The following KIRREL3 variants were observed in gnomAD, a reference collection of about 807,000 sequenced individuals.
KIRREL3 encodes the protein kin of IRRE-like protein 3.
KIRREL3 carries 36 observed loss-of-function variants against 89.7 expected under a neutral mutation model. The observed-to-expected ratio is 0.40, with a 90% confidence interval of 0.31 to 0.53. The LOEUF (loss-of-function observed/expected upper bound fraction) is 0.53. Among genes scored for constraint, KIRREL3 ranks in the 20% least tolerant of loss-of-function variants. KIRREL3 has a pLI of 0.49. For synonymous variants in KIRREL3, 445 were observed against 441.4 expected (o/e 1.01, Z -0.10); for missense variants, 864 against 1,056.6 (o/e 0.82, Z 2.53).
Position 126,609,920 on chromosome 11 carries a change from GGATGACTTCAAC to G in KIRREL3, c.56-47020_56-47009del, listed in dbSNP as rs1432869385. On this transcript the variant is annotated intron_variant, in intron 1 of 16. Transcript: ENST00000525144. This position sits in a 1 kb window ranked among gnomAD's most constrained non-coding sequence, Gnocchi z 5.0. ...AGGCACCGAGATAAGAATTTTATGT[GGATGACTTCAAC>G]GAATCCTCAGAACAACCCAATGTTG... Among the ~76,000 whole-genome samples the G allele has an allele frequency of 6.6e-6, 1 of 152,180 alleles. No individual in the cohort carries two copies. The highest frequency in any genetic ancestry group is 1.5e-5 in the Non-Finnish European group (1 of 68,038).
At chr11:126,433,707 A>G (rs1955217848) in intron 13 of KIRREL3, among the ~76,000 whole-genome samples, 1 of 152,230 alleles carries the variant, frequency 6.6e-6, no homozygotes. Context: ...AGTTCCATGA[A>G]GAAAGGGAAA....
At chr11:126,866,384 C>T (rs926118422) in intron 1 of KIRREL3, among the ~76,000 whole-genome samples, 1 of 152,170 alleles carries the variant, frequency 6.6e-6, no homozygotes, top group Admixed American at 6.5e-5. Context: ...ATCCTGCACC[C>T]CTGTAAGAAT....
chr11:126,643,456 A>C lies in KIRREL3; in HGVS notation c.56-80544T>G, dbSNP rs977982868. Among the ~76,000 whole-genome samples, 1 of 152,202 alleles carries C rather than the reference A, an allele frequency of 6.6e-6. No homozygotes were observed. Among genetic ancestry groups the C allele is most frequent in the Admixed American group, 6.5e-5 (1 of 15,282 alleles). ...ATGGAAGCTATTTCAGACAGAGGGA[A>C]AAAACATGAGTATTGAAGTGGAAAA... On this transcript the variant is annotated intron_variant, in intron 1 of 16. Transcript: ENST00000525144. The surrounding 1 kb of genome is among the most constrained non-coding windows in gnomAD (Gnocchi z 4.5).
Position 126,569,148 on chromosome 11 carries a change from A to G in KIRREL3, c.56-6236T>C, listed in dbSNP as rs962297342. 1.3e-5 allele frequency among the ~76,000 whole-genome samples: 2 copies of G among 152,122 alleles called. No individual in the cohort carries two copies. The highest frequency in any genetic ancestry group is 4.2e-4 in the South Asian group (2 of 4,816). ...ATGACCCCAGTGTCTTTTGTGGGAT[A>G]TAATGGACAAAGAGACATGTCTGTA... On this transcript the variant is annotated intron_variant, in intron 1 of 16. Coordinates refer to ENST00000525144, the MANE Select transcript of KIRREL3 (RefSeq NM_032531.4). This position sits in a 1 kb window ranked among gnomAD's most constrained non-coding sequence, Gnocchi z 6.5.
Position 126,943,870 on chromosome 11 carries a change from C to T in KIRREL3, c.55+56585G>A, listed in dbSNP as rs770826932. On this transcript the variant is annotated intron_variant, in intron 1 of 16. Coordinates refer to ENST00000525144, the MANE Select transcript of KIRREL3 (RefSeq NM_032531.4). This position sits in a 1 kb window ranked among gnomAD's most constrained non-coding sequence, Gnocchi z 4.2. ...GAGGTGAGGGGGACATAGTATCATT[C>T]GGTTTGGTCTAGGTGGAGACTTCTT... Among the ~76,000 whole-genome samples the T allele has an allele frequency of 1.1e-4, 16 of 152,308 alleles. No individual in the cohort carries two copies. The East Asian group carries it at 2.5e-3, about 24-fold the overall frequency.
At position 126,537,785 on chromosome 11, in the gene KIRREL3, T is replaced by C. The variant is rs987851353; in HGVS notation, c.134-11098A>G. Among the ~76,000 whole-genome samples, 1 of 152,234 alleles carries C rather than the reference T, an allele frequency of 6.6e-6. No individual in the cohort carries two copies. Among genetic ancestry groups the C allele is most frequent in the Non-Finnish European group, 1.5e-5 (1 of 68,052 alleles). ...GAGAGGTTTTATATGTAAATGATCT[T>C]GGTAGACAGGTGTTTCACAAAGGGT... On this transcript the variant is annotated intron_variant, in intron 2 of 16. Coordinates refer to ENST00000525144, the MANE Select transcript of KIRREL3 (RefSeq NM_032531.4). This position sits in a 1 kb window ranked among gnomAD's most constrained non-coding sequence, Gnocchi z 4.3.
chr11:126,850,693 T>C (rs1478565536), intron 1 of KIRREL3, among the ~76,000 whole-genome samples: 1 of 152,182 alleles, frequency 6.6e-6, no homozygotes, highest in African/African-American at 2.4e-5. Flanking sequence ...AAAGGCAGCG[T>C]TCCAGCCACT....
At chr11:126,730,746 T>C (rs1234021126) in intron 1 of KIRREL3, among the ~76,000 whole-genome samples, 1 of 152,054 alleles carries the variant, frequency 6.6e-6, no homozygotes, top group East Asian at 1.9e-4. Context: ...TTTTTCTTTT[T>C]TTTTGTTTTT....
chr11:126,676,561 C>T lies in KIRREL3; in HGVS notation c.56-113649G>A, dbSNP rs536992294. ...GAGATGCTGCGAGTCCTTTAAAGAA[C>T]CTCCCATAGCAGTCTGTGAATACGT... On this transcript the variant is annotated intron_variant, in intron 1 of 16. Coordinates refer to ENST00000525144, the MANE Select transcript of KIRREL3 (RefSeq NM_032531.4). This position sits in a 1 kb window ranked among gnomAD's most constrained non-coding sequence, Gnocchi z 4.5. Among the ~76,000 whole-genome samples the T allele has an allele frequency of 2.6e-5, 4 of 152,152 alleles. No homozygotes were observed. In the South Asian group the frequency reaches 8.3e-4, roughly 32 times the overall value.
chr11:126,781,045 T>A (rs968431743), intron 1 of KIRREL3, among the ~76,000 whole-genome samples: 64 of 152,238 alleles, frequency 4.2e-4, no homozygotes, highest in African/African-American at 1.5e-3. Flanking sequence ...CAGGAAGCAA[T>A]TTTAACTCTG....
At position 126,627,634 on chromosome 11, in the gene KIRREL3, T is replaced by C. The variant is rs681570; in HGVS notation, c.56-64722A>G. ...TCTTGTCAGGTCCAGCGGTTGGCTT[T>C]AGTAAATATGCCTCAAGCAGCTGTC... On this transcript the variant is annotated intron_variant, in intron 1 of 16. Coordinates refer to ENST00000525144, the MANE Select transcript of KIRREL3 (RefSeq NM_032531.4). The surrounding 1 kb of genome is among the most constrained non-coding windows in gnomAD (Gnocchi z 5.0). 0.92 allele frequency among the ~76,000 whole-genome samples: 140,538 copies of C among 152,292 alleles called. 65,039 individuals are homozygous for C. The highest frequency in any genetic ancestry group is 1 in the East Asian group (5,164 of 5,176).
chr11:126,580,274 A>G (rs1444515950), intron 1 of KIRREL3, among the ~76,000 whole-genome samples: 1 of 152,188 alleles, frequency 6.6e-6, no homozygotes, highest in African/African-American at 2.4e-5. Flanking sequence ...ATAACATTTC[A>G]GCCCCCAGAG....
Position 126,772,415 on chromosome 11 carries a change from T to C in KIRREL3, c.56-209503A>G, listed in dbSNP as rs536426481. Among the ~76,000 whole-genome samples, 1 of 152,124 alleles carries C rather than the reference T, an allele frequency of 6.6e-6. No homozygotes were observed. On this transcript the variant is annotated intron_variant, in intron 1 of 16. Transcript: ENST00000525144. The surrounding 1 kb of genome is among the most constrained non-coding windows in gnomAD (Gnocchi z 4.6). ...GGCACCACGTGGTGCGGGGATGGCT[T>C]ATAATTTGAGGGAGACGTTTGGGAG...
In KIRREL3 at chr11:126,485,302, T is replaced by A. The variant is rs1957330089; in HGVS notation, c.434-11836A>T. 6.6e-6 allele frequency among the ~76,000 whole-genome samples: 1 copy of A among 152,038 alleles called. No individual in the cohort carries two copies. The highest frequency in any genetic ancestry group is 2.1e-4 in the South Asian group (1 of 4,822). The stretch of plus-strand genomic sequence containing the variant: ...GGCTGTTTCAGTTCTGCTCCTAACC[T>A]GGGGGTGGGGGGAACCCTGAACTAG... On this transcript the variant is annotated intron_variant, in intron 4 of 16. Coordinates refer to ENST00000525144, the MANE Select transcript of KIRREL3 (RefSeq NM_032531.4). The surrounding 1 kb of genome is among the most constrained non-coding windows in gnomAD (Gnocchi z 5.8).
chr11:126,713,855 A>G (rs180778477), intron 1 of KIRREL3, among the ~76,000 whole-genome samples: 355 of 152,242 alleles, frequency 2.3e-3, no homozygotes, highest in African/African-American at 8.3e-3. Context: ...GGAGCACGGA[A>G]CAGCATCTGA....
chr11:126,709,363 A>AC lies in KIRREL3; in HGVS notation c.56-146452dup, dbSNP rs1458581490. ...CCGGGAGTAGGGGTGGAGGGGCAGC[A>AC]CCCCCGGGCAGAAGATGCAGCCAAA... On this transcript the variant is annotated intron_variant, in intron 1 of 16. Coordinates refer to ENST00000525144, the MANE Select transcript of KIRREL3 (RefSeq NM_032531.4). This position sits in a 1 kb window ranked among gnomAD's most constrained non-coding sequence, Gnocchi z 4.0. Among the ~76,000 whole-genome samples, 9 of 152,006 alleles carry AC rather than the reference A, an allele frequency of 5.9e-5. No individual in the cohort carries two copies. Among genetic ancestry groups the AC allele is most frequent in the Non-Finnish European group, 1.3e-4 (9 of 67,996 alleles).
intron 1 of KIRREL3, among the ~76,000 whole-genome samples, chr11:126,956,256 G>A (rs1438250603): frequency 6.6e-6 from 1 of 152,182 alleles, no homozygotes; most frequent in Non-Finnish European, 1.5e-5. Flanking sequence ...CCTTCCCAAT[G>A]CCTCCTGGAC....
chr11:126,561,199 C>T lies in KIRREL3; in HGVS notation c.133+1636G>A, dbSNP rs1299542332. Reference sequence around the variant, plus strand: ...CCTCTGCCTTCCAGCTCTCCAGAGCCAAAGCTGACCCACCTGTGTCTCTCC... The same window carrying T: ...CCTCTGCCTTCCAGCTCTCCAGAGCTAAAGCTGACCCACCTGTGTCTCTCC... On this transcript the variant is annotated intron_variant, in intron 2 of 16. Coordinates refer to ENST00000525144, the MANE Select transcript of KIRREL3 (RefSeq NM_032531.4). The surrounding 1 kb of genome is among the most constrained non-coding windows in gnomAD (Gnocchi z 4.5). 6.6e-6 allele frequency among the ~76,000 whole-genome samples: 1 copy of T among 152,172 alleles called. No homozygotes were observed. Among genetic ancestry groups the T allele is most frequent in the African/African-American group, 2.4e-5 (1 of 41,432 alleles).
chr11:126,770,855 A>C (rs189974041), intron 1 of KIRREL3, among the ~76,000 whole-genome samples: 43 of 152,290 alleles, frequency 2.8e-4, no homozygotes, highest in Non-Finnish European at 5.4e-4. Context: ...TTTTCTTTTG[A>C]GACAGAATCT....
Sources: allele counts gnomAD v4.1 joint callset (sites outside exome capture counted in the v4.1 genomes callset), GRCh38; gene constraint gnomAD v4.1.1; non-coding constraint Gnocchi (gnomAD v3.1); transcripts MANE v1.5; gene names NCBI Gene and HGNC (gene_info 2026-07-23, HGNC 2026-07-21).